The following MCMDC2 variants were observed in gnomAD, a reference collection of about 807,000 sequenced individuals.
The protein encoded by MCMDC2 is minichromosome maintenance domain containing 2.
MCMDC2 carries 54 observed loss-of-function variants against 75.8 expected under a neutral mutation model. The ratio of observed to expected loss-of-function variants is 0.71; its 90% CI spans 0.57 to 0.89. The LOEUF is 0.89. Ranked by LOEUF, MCMDC2 falls within the 40% of genes least tolerant of loss-of-function variation. The pLI is 0.00. For synonymous variants in MCMDC2, 249 were observed against 274.6 expected (o/e 0.91, Z 0.92); for missense variants, 656 against 780.4 (o/e 0.84, Z 1.90).
chr8:66,910,479 G>A (rs1813063172), intron 14 of MCMDC2, among the ~76,000 whole-genome samples: 1 of 152,222 alleles, frequency 6.6e-6, no homozygotes, highest in South Asian at 2.1e-4. Context: ...TTATCTGGAT[G>A]TGACACATGG....
At chr8:66,917,385 C>T (rs1813362824) in intron 14 of MCMDC2, among the ~76,000 whole-genome samples, 1 of 152,166 alleles carries the variant, frequency 6.6e-6, no homozygotes. Flanking sequence ...CTTACCTCCT[C>T]ATGGTCAATT....
intron 14 of MCMDC2, among the ~76,000 whole-genome samples, chr8:66,909,193 A>G (rs760992266): frequency 4.6e-5 from 7 of 152,148 alleles, no homozygotes; most frequent in Non-Finnish European, 7.3e-5. Context: ...ACCTTCTGCC[A>G]TGATTGTAAG....
chr8:66,925,865 G>C (rs377277754), downstream of MCMDC2, among the ~76,000 whole-genome samples: 2 of 152,214 alleles, frequency 1.3e-5, no homozygotes, highest in Non-Finnish European at 2.9e-5. Context: ...GCCCTAAAAG[G>C]CCGGGCGCGG....
rs1340779961 is a variant in MCMDC2 at position 66,878,053 on chromosome 8, T to C, written c.481+509T>C. ...TCTCCCCCGCCCCCATCTTAACAAG[T>C]GCACCTATATTGCTGAAGTACTTGC... On this transcript the variant is annotated intron_variant, in intron 5 of 14. Coordinates refer to ENST00000422365, the MANE Select transcript of MCMDC2 (RefSeq NM_173518.5). Among the ~76,000 whole-genome samples, 2 of 152,082 alleles carry C rather than the reference T, an allele frequency of 1.3e-5. 1 individual carries two copies. Among genetic ancestry groups the C allele is most frequent in the Non-Finnish European group, 2.9e-5 (2 of 68,016 alleles).
intron 14 of MCMDC2, among the ~76,000 whole-genome samples, chr8:66,911,424 A>C (rs1314970142): frequency 4.6e-5 from 7 of 152,182 alleles, no homozygotes; most frequent in Admixed American, 4.6e-4. Context: ...ACTGTGAGTC[A>C]ATTAAACCTC....
chr8:66,912,542 C>T (rs1813157124), intron 14 of MCMDC2, among the ~76,000 whole-genome samples: 1 of 152,114 alleles, frequency 6.6e-6, no homozygotes, highest in African/African-American at 2.4e-5. Flanking sequence ...ACCCTAAAGC[C>T]CATCAATGAC....
intron 14 of MCMDC2, among the ~76,000 whole-genome samples, chr8:66,908,593 A>G (rs550886992): frequency 1.3e-5 from 2 of 152,110 alleles, no homozygotes; most frequent in African/African-American, 4.8e-5. Context: ...GACTCCTGTG[A>G]TAGAATATGG....
intron 14 of MCMDC2, among the ~76,000 whole-genome samples, chr8:66,910,925 C>T (rs1041856990): frequency 6.6e-6 from 1 of 152,148 alleles, no homozygotes; most frequent in Non-Finnish European, 1.5e-5. Flanking sequence ...AATGCCTGTA[C>T]CCCTGTGGTA....
downstream of MCMDC2, among the ~76,000 whole-genome samples, chr8:66,924,556 C>A (rs933203425): frequency 2.0e-5 from 3 of 151,610 alleles, no homozygotes; most frequent in Non-Finnish European, 4.4e-5. Flanking sequence ...ACTGCTTGAA[C>A]CCCGGGAGGT....
chr8:66,899,444 A>C (rs1268641199), intron 12 of MCMDC2, among the ~76,000 whole-genome samples: 1 of 152,206 alleles, frequency 6.6e-6, no homozygotes, highest in Non-Finnish European at 1.5e-5. Context: ...TAAAGAAAAC[A>C]AAGAAGCCAG....
At chr8:66,885,241 G>A (rs1369335702) in intron 9 of MCMDC2, among the ~76,000 whole-genome samples, 1 of 151,674 alleles carries the variant, frequency 6.6e-6, no homozygotes, top group Non-Finnish European at 1.5e-5. Context: ...GCTGAGGCAG[G>A]AGAATTGCTA....
At chr8:66,887,045 T>C (rs946290279) in intron 9 of MCMDC2, among the ~76,000 whole-genome samples, 4 of 152,184 alleles carry the variant, frequency 2.6e-5, no homozygotes, top group Non-Finnish European at 5.9e-5. Context: ...TCTGTTTTTA[T>C]AAAGTGTTTG....
At chr8:66,911,498 G>A (rs77790291) in intron 14 of MCMDC2, among the ~76,000 whole-genome samples, 2,722 of 152,122 alleles carry the variant, frequency 0.018, 85 homozygotes, top group African/African-American at 0.061. Context: ...GGACTAGTAC[G>A]GTGACTATTT....
intron 5 of MCMDC2, 42 bp from the exon 6 acceptor site, chr8:66,878,532 T>C: frequency 2.0e-6 from 3 of 1,532,292 alleles, no homozygotes; most frequent in Middle Eastern, 3.6e-4. Flanking sequence ...AATAGATAGC[T>C]AAATCTGAAA....
At chr8:66,878,143 G>A (rs1811385578) in intron 5 of MCMDC2, among the ~76,000 whole-genome samples, 1 of 151,850 alleles carries the variant, frequency 6.6e-6, no homozygotes, top group South Asian at 2.1e-4. Context: ...CAACCCTTTG[G>A]CTTAACTTCA....
intron 8 of MCMDC2, among the ~76,000 whole-genome samples, chr8:66,882,860 G>A (rs898624504): frequency 3.3e-5 from 5 of 152,196 alleles, no homozygotes; most frequent in African/African-American, 1.2e-4. Flanking sequence ...AATATTTTCT[G>A]CTAAGTGTTT....
intron 9 of MCMDC2, among the ~76,000 whole-genome samples, chr8:66,886,343 T>C (rs527575093): frequency 6.6e-6 from 1 of 152,136 alleles, no homozygotes; most frequent in East Asian, 1.9e-4. Context: ...TTTTGTATTT[T>C]TAGTAGAAAT....
intron 14 of MCMDC2, among the ~76,000 whole-genome samples, chr8:66,911,774 G>C (rs1813132118): frequency 6.6e-6 from 1 of 151,492 alleles, no homozygotes. Context: ...AGTGAGCCGA[G>C]ATTGCACCAT....
At position 66,877,349 on chromosome 8, in the gene MCMDC2, A is replaced by C; in HGVS notation, c.286A>C (p.Ile96Leu). ...AATACCATTTTTATGTTCTTATTAG[A>C]TTAATATAGTGCTGAAATTAACACA... Reference protein sequence around the residue: ...LIGQLQTETQINIVLKLTHLP... With the variant: ...LIGQLQTETQLNIVLKLTHLP... The change falls in exon 5 of 15, where the codon ATT becomes CTT. Residue 96 changes from isoleucine (I) to leucine (L), a missense_variant and splice_region_variant. Transcript: ENST00000422365. The C allele has an allele frequency of 6.3e-7, 1 of 1,593,558 alleles. No individual in the cohort carries two copies. Among genetic ancestry groups the C allele is most frequent in the Non-Finnish European group, 8.6e-7 (1 of 1,166,362 alleles).
Sources: gnomAD v4.1 joint callset for allele counts (sites outside exome capture counted in the v4.1 genomes callset) on GRCh38, gnomAD v4.1.1 for gene constraint, MANE v1.5 for transcripts, NCBI Gene and HGNC (gene_info 2026-07-23, HGNC 2026-07-21) for gene names.